PRKAR2A: variants seen among roughly 807,000 people sequenced by gnomAD.
The protein encoded by PRKAR2A is protein kinase cAMP-dependent type II regulatory subunit alpha.
Under a neutral mutation model 51.9 loss-of-function variants are expected in PRKAR2A, and 29 were observed. That is an observed-to-expected ratio of 0.56 (90% CI 0.42 to 0.76). PRKAR2A has a LOEUF of 0.76. PRKAR2A is among the 30% of genes least tolerant of loss of function. The pLI, the probability that PRKAR2A is intolerant of heterozygous loss-of-function variation, is 0.00. For missense variants in PRKAR2A, 445 were observed against 512.1 expected, an observed-to-expected ratio of 0.87 and a Z score of 1.26; for synonymous variants, 178 against 186.2, an observed-to-expected ratio of 0.96 and a Z score of 0.36.
intron 3 of PRKAR2A, among the ~76,000 whole-genome samples, chr3:48,792,391 C>T (rs1375806120): frequency 1.3e-5 from 2 of 150,478 alleles, no homozygotes; most frequent in African/African-American, 2.4e-5. Context: ...CCGCCTGCCT[C>T]GGCCTCCCAA....
At chr3:48,811,417 G>A (rs556724430) in intron 1 of PRKAR2A, among the ~76,000 whole-genome samples, 42 of 152,302 alleles carry the variant, frequency 2.8e-4, no homozygotes, top group African/African-American at 9.9e-4. Flanking sequence ...CAAGGTTGCA[G>A]TGAACTGCAA....
intron 10 of PRKAR2A, 114 bp from the exon 11 acceptor site, chr3:48,751,832 G>C: frequency 8.0e-7 from 1 of 1,242,490 alleles, no homozygotes; most frequent in East Asian, 2.5e-5. Context: ...TGGGACACCA[G>C]CCACTTGCAA....
Position 48,847,569 on chromosome 3 carries a change from G to C in PRKAR2A, c.28C>G (p.Leu10Val), listed in dbSNP as rs1204674286. 3.2e-6 allele frequency: 5 copies of C among 1,547,226 alleles called. No homozygotes were observed. In the East Asian group the frequency reaches 1.2e-4, roughly 37 times the overall value. The change falls in exon 1 of 11, where the codon CTC becomes GTC. Residue 10 changes from leucine to valine, a missense_variant. Transcript: ENST00000265563. This position sits in a 1 kb window ranked among gnomAD's most constrained non-coding sequence, Gnocchi z 4.4. Reference protein sequence around the residue: MSHIQIPPGLTELLQGYTVE... With the variant: MSHIQIPPGVTELLQGYTVE... Reference sequence around the variant, plus strand: ...GTGTAGCCCTGCAGCAGCTCCGTGAGCCCCGGCGGGATCTGGATGTGGCTC... The same window carrying C: ...GTGTAGCCCTGCAGCAGCTCCGTGACCCCCGGCGGGATCTGGATGTGGCTC...
At chr3:48,806,858 A>G (rs570760796) in intron 2 of PRKAR2A, among the ~76,000 whole-genome samples, 1 of 151,448 alleles carries the variant, frequency 6.6e-6, no homozygotes, top group African/African-American at 2.4e-5. Flanking sequence ...TGAAATCTCC[A>G]CCTCCTGGGT....
At chr3:48,774,340 C>T (rs1307578318) in intron 5 of PRKAR2A, among the ~76,000 whole-genome samples, 2 of 151,924 alleles carry the variant, frequency 1.3e-5, no homozygotes, top group Non-Finnish European at 2.9e-5. Flanking sequence ...AATATTGTCA[C>T]CCAAGTATAG....
In PRKAR2A at chr3:48,814,255, TA is replaced by T. The variant is rs879276206; in HGVS notation, c.263-6572del. Among the ~76,000 whole-genome samples, 575 of 141,270 alleles carry T rather than the reference TA, an allele frequency of 4.1e-3. 2 individuals carry two copies. The highest frequency in any genetic ancestry group is 9.5e-3 in the African/African-American group (368 of 38,658). 92.7% of individuals were successfully genotyped at this position (141,270 alleles called of 152,430 possible). Reference sequence around the variant, plus strand: ...GAGCGAGAATCCGTCTCAAAAAGATTAAAAAAAAAAAAATTAGCCTGGCGTG... The same window carrying T: ...GAGCGAGAATCCGTCTCAAAAAGATTAAAAAAAAAAAATTAGCCTGGCGTG... On this transcript the variant is annotated intron_variant, in intron 1 of 10. Transcript: ENST00000265563.
chr3:48,818,463 A>T (rs2082906523), intron 1 of PRKAR2A, among the ~76,000 whole-genome samples: 2 of 152,224 alleles, frequency 1.3e-5, no homozygotes, highest in African/African-American at 4.8e-5. Context: ...CTAGCTTCAG[A>T]ACTTAAACCT....
intron 1 of PRKAR2A, among the ~76,000 whole-genome samples, chr3:48,819,150 G>A (rs1327134865): frequency 6.6e-6 from 1 of 152,016 alleles, no homozygotes; most frequent in African/African-American, 2.4e-5. Context: ...CAAATAGCTG[G>A]GATTACAGGC....
intron 1 of PRKAR2A, among the ~76,000 whole-genome samples, chr3:48,813,036 C>T (rs1309217522): frequency 6.6e-6 from 1 of 151,866 alleles, no homozygotes; most frequent in Non-Finnish European, 1.5e-5. Flanking sequence ...ATAGGAGGTA[C>T]CTCTTCTAGT....
chr3:48,783,744 C>A (rs1053498722), intron 4 of PRKAR2A, among the ~76,000 whole-genome samples: 1 of 152,092 alleles, frequency 6.6e-6, no homozygotes, highest in Non-Finnish European at 1.5e-5. Flanking sequence ...CCACGCCTGG[C>A]AAATTTTTAT....
At chr3:48,788,903 A>C (rs2082337683) in intron 4 of PRKAR2A, among the ~76,000 whole-genome samples, 1 of 152,086 alleles carries the variant, frequency 6.6e-6, no homozygotes, top group Non-Finnish European at 1.5e-5. Flanking sequence ...ATCAGGAGAT[A>C]GCCCTTGTTC....
At chr3:48,760,197 A>G (rs190317165) in intron 8 of PRKAR2A, among the ~76,000 whole-genome samples, 1 of 152,188 alleles carries the variant, frequency 6.6e-6, no homozygotes, top group Non-Finnish European at 1.5e-5. Flanking sequence ...TCTACTAAAA[A>G]TAAAAAAAAA....
At chr3:48,774,144 C>T (rs894070806) in intron 5 of PRKAR2A, among the ~76,000 whole-genome samples, 2 of 151,772 alleles carry the variant, frequency 1.3e-5, no homozygotes, top group Admixed American at 1.3e-4. Context: ...AATTTTTTTT[C>T]TTTTATTAAT....
At chr3:48,793,139 C>T (rs1032725809) in intron 3 of PRKAR2A, among the ~76,000 whole-genome samples, 1 of 151,694 alleles carries the variant, frequency 6.6e-6, no homozygotes, top group Admixed American at 6.6e-5. Flanking sequence ...TTTTAATTTA[C>T]GAAATGCTCT....
chr3:48,815,531 C>A (rs974133074), intron 1 of PRKAR2A, among the ~76,000 whole-genome samples: 1 of 151,170 alleles, frequency 6.6e-6, no homozygotes, highest in Non-Finnish European at 1.5e-5. Flanking sequence ...CCCGTCTCTA[C>A]TAAAAATACA....
At chr3:48,769,968 G>A (rs914389848) in intron 6 of PRKAR2A, among the ~76,000 whole-genome samples, 9 of 152,108 alleles carry the variant, frequency 5.9e-5, no homozygotes, top group Admixed American at 3.3e-4. Context: ...TAGAGACAGG[G>A]TTTCACCACG....
At chr3:48,773,343 T>C (rs969153409) in intron 5 of PRKAR2A, among the ~76,000 whole-genome samples, 3 of 138,454 alleles carry the variant, frequency 2.2e-5, no homozygotes, top group Non-Finnish European at 4.7e-5. Flanking sequence ...TCTTTTCTTT[T>C]TTTTTTTTTT....
intron 1 of PRKAR2A, among the ~76,000 whole-genome samples, chr3:48,842,922 G>A (rs573621528): frequency 2.0e-5 from 3 of 152,246 alleles, no homozygotes; most frequent in Admixed American, 1.3e-4. Context: ...GATGATGCTG[G>A]CCTCATAAAA....
intron 1 of PRKAR2A, among the ~76,000 whole-genome samples, chr3:48,829,590 A>T (rs1228620181): frequency 2.8e-5 from 1 of 35,648 alleles, no homozygotes; most frequent in Non-Finnish European, 5.8e-5. Context: ...ATGTGTGTAT[A>T]TATACACACA....
Sources: allele counts gnomAD v4.1 joint callset (sites outside exome capture counted in the v4.1 genomes callset), GRCh38; gene constraint gnomAD v4.1.1; non-coding constraint Gnocchi (gnomAD v3.1); transcripts MANE v1.5; gene names NCBI Gene and HGNC (gene_info 2026-07-23, HGNC 2026-07-21).